SLC44A1: variants seen among roughly 807,000 people sequenced by gnomAD.
The protein encoded by SLC44A1 is choline transporter-like protein 1.
Under a neutral mutation model 79.3 loss-of-function variants are expected in SLC44A1, and 26 were observed. The ratio of observed to expected loss-of-function variants is 0.33; its 90% CI spans 0.24 to 0.46. The LOEUF (loss-of-function observed/expected upper bound fraction) is 0.46, where lower values mean the gene tolerates loss of function less well. Ranked by LOEUF, SLC44A1 falls within the 20% of genes least tolerant of loss-of-function variation. SLC44A1 has a pLI of 1.00. For missense variants in SLC44A1, 688 were observed against 798.1 expected (o/e 0.86, Z 1.66); for synonymous variants, 263 against 286.2 (o/e 0.92, Z 0.82).
intron 1 of SLC44A1, among the ~76,000 whole-genome samples, chr9:105,288,602 G>A (rs1285535366): frequency 3.3e-5 from 5 of 152,200 alleles, no homozygotes; most frequent in African/African-American, 4.8e-5. Flanking sequence ...TCTAGCCTCA[G>A]CCTCTCAAAG....
At chr9:105,364,791 G>C in intron 10 of SLC44A1, 71 bp downstream of exon 10, 3 of 1,204,458 alleles carry the variant, frequency 2.5e-6, no homozygotes, top group Non-Finnish European at 3.6e-6. Context: ...GAGGGGAAGG[G>C]AATCAGACTG....
At chr9:105,383,604 C>T (rs1265103980) in intron 14 of SLC44A1, among the ~76,000 whole-genome samples, 1 of 152,176 alleles carries the variant, frequency 6.6e-6, no homozygotes, top group African/African-American at 2.4e-5. Context: ...TAAGTTCACC[C>T]TATTCTTGCT....
At chr9:105,286,793 A>G (rs1028345150) in intron 1 of SLC44A1, among the ~76,000 whole-genome samples, 2 of 152,060 alleles carry the variant, frequency 1.3e-5, no homozygotes, top group African/African-American at 4.8e-5. Context: ...ACGAGACCCC[A>G]TCTCTACAAA....
chr9:105,435,345 G>T (rs1829450159), intron 15 of SLC44A1, among the ~76,000 whole-genome samples: 1 of 152,192 alleles, frequency 6.6e-6, no homozygotes, highest in Non-Finnish European at 1.5e-5. Flanking sequence ...ACAAGGCTGG[G>T]TGCAAGTGGG....
At chr9:105,342,020 G>T (rs934637913) in intron 4 of SLC44A1, among the ~76,000 whole-genome samples, 1 of 152,098 alleles carries the variant, frequency 6.6e-6, no homozygotes, top group East Asian at 1.9e-4. Flanking sequence ...CTTATTTTCA[G>T]CAGGGCATGA....
At chr9:105,437,501 T>A (rs1284213604) in intron 15 of SLC44A1, among the ~76,000 whole-genome samples, 1 of 152,058 alleles carries the variant, frequency 6.6e-6, no homozygotes, top group Non-Finnish European at 1.5e-5. Context: ...CACACACATA[T>A]CTATTAGGTA....
rs1033199508 is a variant in SLC44A1, at chr9:105,267,507, T to G, written c.36+22603T>G. 3.3e-5 allele frequency among the ~76,000 whole-genome samples: 5 copies of G among 152,338 alleles called. No homozygotes were observed. In the East Asian group the frequency reaches 9.6e-4, roughly 29 times the overall value. ...AAAGTATTTTTGAACTCCTTGTCTT[T>G]TCTCCACAATGCAATAGATTTCCTT... On this transcript the variant is annotated intron_variant, in intron 1 of 15. Transcript: ENST00000374720.
Position 105,395,455 on chromosome 9 carries a change from G to A in SLC44A1, c.*6399G>A. 2.8e-6 allele frequency: 2 copies of A among 720,864 alleles called. No individual in the cohort carries two copies. The highest frequency in any genetic ancestry group is 3.8e-5 in the African/African-American group (2 of 52,276). The allele number at this position is 720,864 out of a possible 1,614,324, so 44.7% of individuals were successfully genotyped here. A position where few individuals can be genotyped will look rare whatever the true frequency, so the allele number is the denominator to read the frequency against. On this transcript the variant is annotated 3_prime_UTR_variant, in exon 16 of 16. Transcript: ENST00000374720. ...GCCAATCTCGAACTCCTGACCTCAGGTGATCCACCCGCCTCAGCCTCCCAA... is the reference window on the plus strand; with the variant it reads ...GCCAATCTCGAACTCCTGACCTCAGATGATCCACCCGCCTCAGCCTCCCAA...
intron 1 of SLC44A1, among the ~76,000 whole-genome samples, chr9:105,290,106 G>C (rs1014434328): frequency 6.6e-6 from 1 of 152,050 alleles, no homozygotes; most frequent in Admixed American, 6.6e-5. Context: ...GTGAGCCACC[G>C]CACCTGGCCT....
At position 105,249,059 on chromosome 9, in the gene SLC44A1, C is replaced by T. The variant is rs138653064; in HGVS notation, c.36+4155C>T. The stretch of plus-strand genomic sequence containing the variant: ...GAATCTTTCAAGTTGAACAAACTGC[C>T]GCTTGTCTGTCTAGCGTTAGGAGAC... On this transcript the variant is annotated intron_variant, in intron 1 of 15. Transcript: ENST00000374720. 3.3e-5 allele frequency among the ~76,000 whole-genome samples: 5 copies of T among 152,234 alleles called. No individual in the cohort carries two copies. In the South Asian group the frequency reaches 8.3e-4, roughly 25 times the overall value.
intron 15 of SLC44A1, among the ~76,000 whole-genome samples, chr9:105,415,836 C>T (rs1479710786): frequency 6.6e-6 from 1 of 151,294 alleles, no homozygotes. Context: ...TGAATGTTCC[C>T]GTTTTACGTT....
chr9:105,379,602 A>T (rs1828400101), intron 13 of SLC44A1, among the ~76,000 whole-genome samples: 1 of 152,198 alleles, frequency 6.6e-6, no homozygotes, highest in Non-Finnish European at 1.5e-5. Context: ...TAAAAAAAAG[A>T]CATCATTATG....
Position 105,392,744 on chromosome 9 carries a change from C to G in SLC44A1, c.*3688C>G, listed in dbSNP as rs1468939751. On this transcript the variant is annotated 3_prime_UTR_variant, in exon 16 of 16. Coordinates refer to ENST00000374720, the MANE Select transcript of SLC44A1 (RefSeq NM_080546.5). ...ACAGCCATTTTAAGAGATCTCCTAG[C>G]CTGCAAGGTAGAATTCTGGGATCAG... 3.0e-6 allele frequency: 3 copies of G among 985,182 alleles called. No homozygotes were observed. The highest frequency in any genetic ancestry group is 6.2e-5 in the Admixed American group (1 of 16,244). 61.0% of individuals were successfully genotyped at this position (985,182 alleles called of 1,614,324 possible).
At chr9:105,263,905 C>T (rs967076378) in intron 1 of SLC44A1, among the ~76,000 whole-genome samples, 1 of 152,076 alleles carries the variant, frequency 6.6e-6, no homozygotes, top group African/African-American at 2.4e-5. Flanking sequence ...CCCACCCTCC[C>T]CATTTTCTGC....
chr9:105,390,399 T>A lies in SLC44A1; in HGVS notation c.*1343T>A, dbSNP rs1424339743. The A allele has an allele frequency of 2.3e-5, 21 of 901,774 alleles. No individual in the cohort carries two copies. The highest frequency in any genetic ancestry group is 2.7e-5 in the Non-Finnish European group (21 of 784,942). 55.9% of individuals were successfully genotyped at this position (901,774 alleles called of 1,614,324 possible). A position where few individuals can be genotyped will look rare whatever the true frequency, so the allele number is the denominator to read the frequency against. ...AGTAAATATTTCAGAGCAAATTTTT[T>A]AAACTTATTGCACTAAATACAGGCT... On this transcript the variant is annotated 3_prime_UTR_variant, in exon 16 of 16. Coordinates refer to ENST00000374720, the MANE Select transcript of SLC44A1 (RefSeq NM_080546.5).
chr9:105,372,904 C>T (rs1784773809), intron 12 of SLC44A1, among the ~76,000 whole-genome samples: 1 of 149,574 alleles, frequency 6.7e-6, no homozygotes, highest in South Asian at 2.2e-4. Context: ...GAGCCGAGAT[C>T]CCGCCACTGC....
intron 3 of SLC44A1, among the ~76,000 whole-genome samples, chr9:105,322,925 TAAAG>T (rs1042608243): frequency 2.6e-5 from 4 of 151,506 alleles, no homozygotes; most frequent in Non-Finnish European, 4.4e-5. Context: ...GTTGAGGCAA[TAAAG>T]AAATTAAATA....
intron 6 of SLC44A1, 86 bp from the exon 7 acceptor site, chr9:105,358,258 G>GA (rs990129748): frequency 5.2e-6 from 4 of 770,278 alleles, no homozygotes; most frequent in African/African-American, 3.5e-5. Flanking sequence ...TTTCCCTGGG[G>GA]AAAAAAGCAA....
chr9:105,349,833 C>G (rs1827350620), intron 5 of SLC44A1, among the ~76,000 whole-genome samples: 1 of 152,124 alleles, frequency 6.6e-6, no homozygotes, highest in African/African-American at 2.4e-5. Context: ...AGGGAGGTCT[C>G]TGCTCCTGTG....
Sources: allele counts gnomAD v4.1 joint callset (sites outside exome capture counted in the v4.1 genomes callset), GRCh38; gene constraint gnomAD v4.1.1; transcripts MANE v1.5; gene names NCBI Gene and HGNC (gene_info 2026-07-23, HGNC 2026-07-21).